SNTG1: variants seen among roughly 807,000 people sequenced by gnomAD.
SNTG1 encodes gamma-1-syntrophin.
A neutral mutation model predicts 74.7 loss-of-function variants in SNTG1; 39 were observed. The observed-to-expected ratio is 0.52, with a 90% CI of 0.40 to 0.68. The LOEUF is 0.68. Ranked by LOEUF, SNTG1 falls within the 30% of genes least tolerant of loss-of-function variation. SNTG1 has a pLI of 0.00. For synonymous variants in SNTG1, 254 were observed against 217.1 expected, an observed-to-expected ratio of 1.17 and a Z score of -1.49; for missense variants, 685 against 609.5, an observed-to-expected ratio of 1.12 and a Z score of -1.30.
intron 2 of SNTG1, among the ~76,000 whole-genome samples, chr8:50,271,120 C>G (rs952411132): frequency 6.6e-6 from 1 of 152,104 alleles, no homozygotes; most frequent in African/African-American, 2.4e-5. Flanking sequence ...AGAATAACAA[C>G]ATCCCTGGCA....
At chr8:50,632,277 C>A (rs1452047651) in intron 13 of SNTG1, among the ~76,000 whole-genome samples, 2 of 143,678 alleles carry the variant, frequency 1.4e-5, no homozygotes, top group African/African-American at 5.6e-5. Context: ...TTTTAATAGT[C>A]TTTTTAATTT....
intron 2 of SNTG1, among the ~76,000 whole-genome samples, chr8:50,174,628 T>A (rs2082927808): frequency 6.6e-6 from 1 of 152,196 alleles, no homozygotes; most frequent in African/African-American, 2.4e-5. Flanking sequence ...TTGCTAGACC[T>A]TTTTTCATAG....
chr8:50,703,928 G>T (rs939310480), intron 15 of SNTG1, among the ~76,000 whole-genome samples: 2 of 152,028 alleles, frequency 1.3e-5, no homozygotes, highest in African/African-American at 4.8e-5. Flanking sequence ...GTTGCATTGG[G>T]TTACTCTGTT....
chr8:50,461,597 A>G (rs2093563176), intron 8 of SNTG1, among the ~76,000 whole-genome samples: 1 of 152,184 alleles, frequency 6.6e-6, no homozygotes, highest in South Asian at 2.1e-4. Context: ...GATGTAATCC[A>G]ATACTATCTT....
At chr8:50,194,398 A>G (rs1251653184) in intron 2 of SNTG1, among the ~76,000 whole-genome samples, 2 of 151,920 alleles carry the variant, frequency 1.3e-5, no homozygotes, top group Non-Finnish European at 1.5e-5. Flanking sequence ...TTAAGCCAGG[A>G]AGTTGTATTT....
intron 12 of SNTG1, among the ~76,000 whole-genome samples, chr8:50,581,544 T>C (rs976886510): frequency 4.5e-4 from 69 of 152,314 alleles, no homozygotes; most frequent in African/African-American, 1.6e-3. Flanking sequence ...AAATCTTGTA[T>C]GCATGGTATG....
Position 49,981,088 on chromosome 8 carries a change from G to A in SNTG1, c.-103+68857G>A, listed in dbSNP as rs138180928. ...AGTGTCTAACATCTATACAGACTAG[G>A]TTCCTGATAAACATTGAATTGAATC... On this transcript the variant is annotated intron_variant, in intron 1 of 18. Coordinates refer to ENST00000642720, the MANE Select transcript of SNTG1 (RefSeq NM_018967.5). Among the ~76,000 whole-genome samples the A allele has an allele frequency of 2.8e-4, 43 of 152,242 alleles. No homozygotes were observed. In the East Asian group the frequency reaches 7.5e-3, roughly 27 times the overall value.
At chr8:50,330,251 T>C (rs916538483) in intron 2 of SNTG1, among the ~76,000 whole-genome samples, 1 of 152,180 alleles carries the variant, frequency 6.6e-6, no homozygotes, top group African/African-American at 2.4e-5. Flanking sequence ...TTCTCCTTCC[T>C]GCTGCCACAT....
intron 9 of SNTG1, among the ~76,000 whole-genome samples, chr8:50,503,404 T>C (rs2093980594): frequency 6.6e-6 from 1 of 152,194 alleles, no homozygotes; most frequent in Non-Finnish European, 1.5e-5. Flanking sequence ...AATTGAAGAA[T>C]AATATATGTT....
At chr8:50,228,850 AG>A (rs993896396) in intron 2 of SNTG1, among the ~76,000 whole-genome samples, 1 of 151,792 alleles carries the variant, frequency 6.6e-6, no homozygotes, top group Non-Finnish European at 1.5e-5. Context: ...AGAGCACAGG[AG>A]GGGGAATACA....
Position 50,102,877 on chromosome 8 carries a change from C to T in SNTG1, c.-102-69684C>T, listed in dbSNP as rs1326860824. 8.2e-5 allele frequency among the ~76,000 whole-genome samples: 12 copies of T among 147,058 alleles called. No homozygotes were observed. The East Asian group carries it at 1.2e-3, about 15-fold the overall frequency. On this transcript the variant is annotated intron_variant, in intron 1 of 18. Coordinates refer to ENST00000642720, the MANE Select transcript of SNTG1 (RefSeq NM_018967.5). ...CAAAGATCAGATAGTTGTAGATATG[C>T]GGCGTTATTTCTGAGGGCTCTGTTC...
At chr8:50,583,084 C>T (rs907456254) in intron 12 of SNTG1, among the ~76,000 whole-genome samples, 2 of 151,806 alleles carry the variant, frequency 1.3e-5, no homozygotes, top group Non-Finnish European at 2.9e-5. Context: ...GTCACACCAT[C>T]CTGAATCTAG....
At chr8:50,703,259 A>G (rs1386028362) in intron 15 of SNTG1, among the ~76,000 whole-genome samples, 3 of 152,210 alleles carry the variant, frequency 2.0e-5, no homozygotes, top group Admixed American at 2.0e-4. Flanking sequence ...AAATTATTCT[A>G]TATCCTTATT....
intron 1 of SNTG1, among the ~76,000 whole-genome samples, chr8:50,041,781 C>A (rs780224194): frequency 2.0e-5 from 3 of 152,140 alleles, no homozygotes; most frequent in Non-Finnish European, 4.4e-5. Flanking sequence ...CTAATCTAGA[C>A]TCTATGAATT....
chr8:50,051,837 C>G (rs748727216), intron 1 of SNTG1, among the ~76,000 whole-genome samples: 1 of 152,054 alleles, frequency 6.6e-6, no homozygotes, highest in Non-Finnish European at 1.5e-5. Context: ...GGACTTCAAC[C>G]TACTTTTTTG....
chr8:50,558,871 C>T (rs2094471414), intron 12 of SNTG1, among the ~76,000 whole-genome samples: 1 of 151,988 alleles, frequency 6.6e-6, no homozygotes, highest in African/African-American at 2.4e-5. Flanking sequence ...ATTCAGGGTA[C>T]TTTTAAATTT....
intron 4 of SNTG1, among the ~76,000 whole-genome samples, chr8:50,431,070 G>A (rs185079750): frequency 6.6e-6 from 1 of 152,256 alleles, no homozygotes; most frequent in East Asian, 1.9e-4. Flanking sequence ...CCATCGCTGA[G>A]GTTGTAACAT....
chr8:50,264,856 T>G (rs896058622), intron 2 of SNTG1, among the ~76,000 whole-genome samples: 6 of 151,964 alleles, frequency 3.9e-5, no homozygotes, highest in Non-Finnish European at 7.4e-5. Context: ...TATAAAAAAC[T>G]CTATGTCAAC....
intron 11 of SNTG1, among the ~76,000 whole-genome samples, chr8:50,541,655 T>C (rs2130467204): frequency 1.3e-5 from 2 of 152,284 alleles, no homozygotes; most frequent in South Asian, 4.1e-4. Flanking sequence ...CTTTTCTTTA[T>C]GTGAGAACTA....
Sources: allele counts gnomAD v4.1 joint callset (sites outside exome capture counted in the v4.1 genomes callset), GRCh38; gene constraint gnomAD v4.1.1; transcripts MANE v1.5; gene names NCBI Gene and HGNC (gene_info 2026-07-23, HGNC 2026-07-21).